MRC1: variants seen among roughly 807,000 people sequenced by gnomAD.
MRC1 encodes the protein mannose receptor C-type 1.
MRC1 carries 62 observed loss-of-function variants against 102.9 expected under a neutral mutation model. The ratio of observed to expected loss-of-function variants is 0.60; its 90% CI spans 0.49 to 0.74. MRC1 has a LOEUF of 0.74. MRC1 is among the 30% of genes least tolerant of loss of function. The pLI is 0.00. For synonymous variants in MRC1, 457 were observed against 298.4 expected (o/e 1.53, Z -5.48); for missense variants, 1,237 against 862.8 (o/e 1.43, Z -5.43).
chr10:17,879,914 C>G (rs1833490387), intron 19 of MRC1, 93 bp downstream of exon 19: 1 of 777,776 alleles, frequency 1.3e-6, no homozygotes, highest in Non-Finnish European at 2.4e-6. Context: ...GTGCTTACAT[C>G]AGACAAGATA....
rs912705849 is a variant in MRC1 at position 17,892,255 on chromosome 10, A to G, written c.3148-1955A>G. On this transcript the variant is annotated intron_variant, in intron 22 of 29. Coordinates refer to ENST00000569591, the MANE Select transcript of MRC1 (RefSeq NM_002438.4). ...GTAGGACTCATGGAAGGAAAACTCA[A>G]AAAACTCTGCAGTCTCTCTAGGACT... is the stretch of plus-strand genomic sequence containing the variant. 7.8e-4 allele frequency among the ~76,000 whole-genome samples: 119 copies of G among 152,308 alleles called. 1 individual carries two copies. The highest frequency in any genetic ancestry group is 2.6e-3 in the Admixed American group (40 of 15,298).
intron 26 of MRC1, among the ~76,000 whole-genome samples, chr10:17,905,280 A>G (rs1013862053): frequency 1.6e-4 from 24 of 152,170 alleles, no homozygotes; most frequent in African/African-American, 4.8e-5. Context: ...TATAAAACTC[A>G]CTATCATTAC....
intron 12 of MRC1, among the ~76,000 whole-genome samples, chr10:17,868,716 C>T (rs999687392): frequency 2.4e-4 from 37 of 152,294 alleles, no homozygotes; most frequent in South Asian, 6.2e-4. Context: ...ATCAGGATGA[C>T]GCTGTGCAGT....
At chr10:17,845,891 T>C (rs1838819162) in intron 6 of MRC1, among the ~76,000 whole-genome samples, 2 of 152,154 alleles carry the variant, frequency 1.3e-5, no homozygotes, top group African/African-American at 4.8e-5. Flanking sequence ...TAGAATAAAA[T>C]ATCTAAAAAG....
chr10:17,883,465 GAAGA>G (rs1833546477), intron 21 of MRC1, among the ~76,000 whole-genome samples: 1 of 151,630 alleles, frequency 6.6e-6, no homozygotes. Context: ...AAAAACGGTG[GAAGA>G]GTTTTTTTTT....
intron 2 of MRC1, 131 bp from the exon 3 acceptor site, chr10:17,827,411 G>A (rs201267621): frequency 0.2 from 31,304 of 154,144 alleles, 2,082 homozygotes; most frequent in South Asian, 0.26. Context: ...AAAAAAAAAA[G>A]AAATCCCTCT....
intron 19 of MRC1, among the ~76,000 whole-genome samples, chr10:17,880,246 T>A (rs1833495272): frequency 6.6e-6 from 1 of 152,078 alleles, no homozygotes; most frequent in African/African-American, 2.4e-5. Context: ...TTGCTGTTGT[T>A]AGATTATTAT....
intron 1 of MRC1, among the ~76,000 whole-genome samples, chr10:17,817,247 CAAAAAAAAAAAA>C (rs78486486): frequency 4.5e-5 from 4 of 89,264 alleles, no homozygotes; most frequent in East Asian, 3.5e-4. Flanking sequence ...GACTCTGTCT[CAAAAAAAAAAAA>C]AAAAAAAAGA....
chr10:17,885,303 C>A lies in MRC1; in HGVS notation c.3015C>A (p.Phe1005Leu). Residue 1005 changes from phenylalanine (F) to leucine (L), a missense_variant, in exon 22 of 30, where the codon TTC becomes TTA. Physicochemically the swap from Phe to Leu is conservative, Grantham distance 22. Transcript: ENST00000569591. The stretch of plus-strand genomic sequence containing the variant: ...CCTATCACATGAAGGACTCCACTTT[C>A]AGTGCCTGGACTGGGCTGAATGATG... ...FLTYHMKDST[F>L]SAWTGLNDVN... 1.3e-6 allele frequency: 1 copy of A among 780,906 alleles called. No homozygotes were observed. 48.4% of individuals were successfully genotyped at this position (780,906 alleles called of 1,614,324 possible).
chr10:17,819,235 C>A (rs1371635308), intron 1 of MRC1, among the ~76,000 whole-genome samples: 1 of 152,080 alleles, frequency 6.6e-6, no homozygotes, highest in African/African-American at 2.4e-5. Flanking sequence ...CAGTGAAGAC[C>A]ACCTATTATA....
chr10:17,886,401 T>TC (rs1833595800), intron 22 of MRC1, among the ~76,000 whole-genome samples: 3 of 145,430 alleles, frequency 2.1e-5, no homozygotes, highest in African/African-American at 7.5e-5. Flanking sequence ...TCCCTCTCCC[T>TC]TTTTCACTCT....
At chr10:17,865,717 G>A (rs1833257198) in intron 11 of MRC1, among the ~76,000 whole-genome samples, 1 of 152,160 alleles carries the variant, frequency 6.6e-6, no homozygotes, top group African/African-American at 2.4e-5. Flanking sequence ...CAGTTAGCAG[G>A]TTTTAACTCA....
intron 23 of MRC1, among the ~76,000 whole-genome samples, chr10:17,897,487 A>G (rs1251338155): frequency 6.6e-6 from 1 of 152,220 alleles, no homozygotes; most frequent in Non-Finnish European, 1.5e-5. Flanking sequence ...TCTTGAGATC[A>G]AGGTTAAACG....
In MRC1 at chr10:17,910,496, T is replaced by G. The variant is rs1833954744; in HGVS notation, c.*31T>G. Reference sequence around the variant, plus strand: ...CAATGCGATTCTGAGATATTTGAATTTCATAAAATTGTAACTGAAATTTAA... The same window carrying G: ...CAATGCGATTCTGAGATATTTGAATGTCATAAAATTGTAACTGAAATTTAA... On this transcript the variant is annotated 3_prime_UTR_variant, in exon 30 of 30. Coordinates refer to ENST00000569591, the MANE Select transcript of MRC1 (RefSeq NM_002438.4). 2.6e-6 allele frequency: 2 copies of G among 780,240 alleles called. No homozygotes were observed. The highest frequency in any genetic ancestry group is 2.3e-4 in the Middle Eastern group (1 of 4,432). The allele number at this position is 780,240 out of a possible 1,614,324, so 48.3% of individuals were successfully genotyped here.
rs1838512475 is a variant in MRC1 at position 17,828,200 on chromosome 10, C to T, written c.637+485C>T. Among the ~76,000 whole-genome samples the T allele has an allele frequency of 2.6e-5, 4 of 152,288 alleles. No individual in the cohort carries two copies. The South Asian group carries it at 8.3e-4, about 32-fold the overall frequency. On this transcript the variant is annotated intron_variant, in intron 3 of 29. Coordinates refer to ENST00000569591, the MANE Select transcript of MRC1 (RefSeq NM_002438.4). ...CACGCCCTTCTCCTGCCTCAGCCTC[C>T]CGAGTAGCTGGGACTACAGGCGCCC...
chr10:17,828,280 G>T (rs1473133990), intron 3 of MRC1, among the ~76,000 whole-genome samples: 2 of 151,380 alleles, frequency 1.3e-5, no homozygotes, highest in African/African-American at 2.5e-5. Flanking sequence ...GTTTCACTGT[G>T]TTAGCCAGGA....
At chr10:17,834,148 C>A (rs899510692) in intron 4 of MRC1, among the ~76,000 whole-genome samples, 2 of 152,162 alleles carry the variant, frequency 1.3e-5, no homozygotes, top group Non-Finnish European at 2.9e-5. Flanking sequence ...GGACGCAAGG[C>A]AGTGGAACAA....
intron 1 of MRC1, among the ~76,000 whole-genome samples, chr10:17,812,728 C>T (rs1190520652): frequency 1.3e-5 from 2 of 152,020 alleles, no homozygotes; most frequent in Admixed American, 6.6e-5. Flanking sequence ...CCCGCCACCA[C>T]ACCCGGCTAA....
intron 4 of MRC1, among the ~76,000 whole-genome samples, chr10:17,838,578 A>G (rs916303328): frequency 1.3e-5 from 2 of 152,162 alleles, no homozygotes; most frequent in Non-Finnish European, 2.9e-5. Context: ...AAGAAAGTAA[A>G]AAAAACAGTG....
Sources: allele counts gnomAD v4.1 joint callset (sites outside exome capture counted in the v4.1 genomes callset), GRCh38; gene constraint gnomAD v4.1.1; transcripts MANE v1.5; gene names NCBI Gene and HGNC (gene_info 2026-07-23, HGNC 2026-07-21).